The following NXPE2 variants were observed in gnomAD, a reference collection of about 807,000 sequenced individuals.
NXPE2 encodes NXPE family member 2.
In NXPE2, 34 loss-of-function variants were observed where a neutral mutation model predicts 34.4. That is an observed-to-expected ratio of 0.99 (90% confidence interval 0.75 to 1.31). NXPE2 has a LOEUF of 1.31. Ranked by LOEUF, NXPE2 falls within the 40% of genes most tolerant of loss-of-function variation. NXPE2 has a pLI of 0.00. For synonymous variants in NXPE2, 235 were observed against 231.3 expected, an observed-to-expected ratio of 1.02 and a Z score of -0.15; for missense variants, 649 against 672.5, an observed-to-expected ratio of 0.97 and a Z score of 0.39.
the NXPE2 span, among the ~76,000 whole-genome samples, chr11:114,714,501 A>C: frequency 1.3e-5 from 2 of 152,214 alleles, no homozygotes; most frequent in Non-Finnish European, 1.5e-5. Context: ...TTAACTCAAA[A>C]CTGAGAAGGC....
chr11:114,571,569 A>AT, the NXPE2 span: 1 of 1,130,530 alleles, frequency 8.8e-7, no homozygotes, highest in Non-Finnish European at 1.3e-6. Flanking sequence ...GTATAATTAA[A>AT]TAAGCTAATC....
the NXPE2 span, among the ~76,000 whole-genome samples, chr11:114,609,324 G>A: frequency 9.1e-5 from 13 of 143,096 alleles, no homozygotes; most frequent in South Asian, 2.5e-3. Flanking sequence ...GGGTAACCAC[G>A]GTTACCCTGT....
At chr11:114,622,475 T>A in the NXPE2 span, among the ~76,000 whole-genome samples, 1 of 152,138 alleles carries the variant, frequency 6.6e-6, no homozygotes, top group Non-Finnish European at 1.5e-5. Flanking sequence ...AAGTATTGCC[T>A]CATGGATAAC....
chr11:114,731,524 A>G, the NXPE2 span, among the ~76,000 whole-genome samples: 1 of 152,232 alleles, frequency 6.6e-6, no homozygotes, highest in Non-Finnish European at 1.5e-5. Flanking sequence ...CATCCATACT[A>G]TGGAACAGTA....
chr11:114,660,357 C>T, the NXPE2 span, among the ~76,000 whole-genome samples: 11 of 151,920 alleles, frequency 7.2e-5, no homozygotes, highest in Non-Finnish European at 1.0e-4. Flanking sequence ...GGCAAACATC[C>T]TCAACAAAGT....
At chr11:114,550,676 C>T in the NXPE2 span, among the ~76,000 whole-genome samples, 1 of 152,102 alleles carries the variant, frequency 6.6e-6, no homozygotes, top group Non-Finnish European at 1.5e-5. Flanking sequence ...AACTTTCTAA[C>T]TGTGACTTAA....
chr11:114,633,678 T>C, the NXPE2 span, among the ~76,000 whole-genome samples: 2 of 147,772 alleles, frequency 1.4e-5, no homozygotes, highest in East Asian at 4.3e-4. Context: ...TGTGTTCTCA[T>C]TGTTCAATTC....
the NXPE2 span, chr11:114,523,084 TTC>T: frequency 5.0e-6 from 8 of 1,611,798 alleles, no homozygotes; most frequent in Admixed American, 6.7e-5. Context: ...CTTCTATTTT[TTC>T]TCTCTCTGGT....
the NXPE2 span, among the ~76,000 whole-genome samples, chr11:114,743,861 A>G: frequency 1.3e-5 from 2 of 151,372 alleles, no homozygotes; most frequent in Non-Finnish European, 2.9e-5. Context: ...GTGTGTATAT[A>G]TAAGTATATA....
chr11:114,531,948 A>G, the NXPE2 span, among the ~76,000 whole-genome samples: 1 of 152,226 alleles, frequency 6.6e-6, no homozygotes, highest in Non-Finnish European at 1.5e-5. Flanking sequence ...CTTAGGCTTC[A>G]GTCTAGATCA....
At chr11:114,644,456 T>C in the NXPE2 span, among the ~76,000 whole-genome samples, 2 of 152,246 alleles carry the variant, frequency 1.3e-5, no homozygotes, top group African/African-American at 4.8e-5. Flanking sequence ...TGAGAGTTTT[T>C]AGCATAAAGG....
At chr11:114,681,843 C>T (rs541864589) in intron 2 of NXPE2, among the ~76,000 whole-genome samples, 11 of 152,164 alleles carry the variant, frequency 7.2e-5, no homozygotes, top group East Asian at 1.9e-4. Context: ...AAGCTACACA[C>T]GTCATTTTTG....
the NXPE2 span, among the ~76,000 whole-genome samples, chr11:114,738,011 CG>C: frequency 2.0e-5 from 3 of 152,078 alleles, no homozygotes; most frequent in South Asian, 2.1e-4. Context: ...CGCTTGAGCC[CG>C]GGGGGCGGAG....
chr11:114,810,913 C>A, the NXPE2 span, among the ~76,000 whole-genome samples: 1 of 152,018 alleles, frequency 6.6e-6, no homozygotes, highest in South Asian at 2.1e-4. Context: ...GCACTATTCA[C>A]AATAGCAAAG....
At chr11:114,575,741 G>A in the NXPE2 span, among the ~76,000 whole-genome samples, 1 of 152,030 alleles carries the variant, frequency 6.6e-6, no homozygotes, top group African/African-American at 2.4e-5. Context: ...CTCATGGATG[G>A]GTAGAATAAA....
the NXPE2 span, among the ~76,000 whole-genome samples, chr11:114,484,751 C>T: frequency 6.6e-6 from 1 of 152,082 alleles, no homozygotes. Context: ...GTGGGACTTG[C>T]AGGATAACAT....
At chr11:114,485,533 C>T in the NXPE2 span, among the ~76,000 whole-genome samples, 1 of 151,664 alleles carries the variant, frequency 6.6e-6, no homozygotes, top group Non-Finnish European at 1.5e-5. Context: ...CCTGGCCATT[C>T]TAGTTTTTAA....
the NXPE2 span, among the ~76,000 whole-genome samples, chr11:114,642,721 C>T: frequency 2.0e-5 from 3 of 152,040 alleles, no homozygotes; most frequent in African/African-American, 7.2e-5. Context: ...CTGCAATATA[C>T]ATATGTGTGC....
the NXPE2 span, among the ~76,000 whole-genome samples, chr11:114,543,269 T>G: frequency 6.6e-6 from 1 of 151,974 alleles, no homozygotes; most frequent in Non-Finnish European, 1.5e-5. Flanking sequence ...GGCAGGAGAA[T>G]TGCTTGAACC....
Sources: gnomAD v4.1 joint callset for allele counts (sites outside exome capture counted in the v4.1 genomes callset) on GRCh38, gnomAD v4.1.1 for gene constraint, MANE v1.5 for transcripts, NCBI Gene and HGNC (gene_info 2026-07-23, HGNC 2026-07-21) for gene names.